The following SPTA1 variants were observed in gnomAD, a reference collection of about 807,000 sequenced individuals.
The protein encoded by SPTA1 is spectrin alpha chain, erythrocytic 1.
SPTA1 carries 177 observed loss-of-function variants against 324.7 expected under a neutral mutation model. That is an observed-to-expected ratio of 0.55 (90% confidence interval 0.48 to 0.62). SPTA1 has a LOEUF of 0.62. Ranked by LOEUF, SPTA1 falls within the 20% of genes least tolerant of loss-of-function variation. The probability of loss-of-function intolerance (pLI) is 0.00; values close to 1 mark genes in which losing one functional copy is unlikely to be tolerated. For synonymous variants in SPTA1, 1,195 were observed against 1,041.3 expected (o/e 1.15, Z -2.84); for missense variants, 3,162 against 2,883.6 (o/e 1.10, Z -2.21).
rs1209113519 is a variant in SPTA1 at position 158,642,940 on chromosome 1, C to A, written c.4479G>T (p.Arg1493=). 6.2e-7 allele frequency: 1 copy of A among 1,613,708 alleles called. No individual in the cohort carries two copies. ...GGTTGGCATAGTCTCCAAGCTTTGT[C>A]CGCTCATCAATCAGTTGTGCTTTGA... ...KALKAQLIDE[R]TKLGDYANLK... The change falls in exon 32 of 52, where the codon CGG becomes CGT. Residue 1493 remains arginine (R), a synonymous_variant. Coordinates refer to ENST00000643759, the MANE Select transcript of SPTA1 (RefSeq NM_003126.4).
Position 158,645,591 on chromosome 1 carries a change from A to G in SPTA1, c.3900T>C (p.Asp1300=), listed in dbSNP as rs757209512. The change falls in exon 28 of 52, where the codon GAT becomes GAC. Residue 1300 remains aspartate, a synonymous_variant. Coordinates refer to ENST00000643759, the MANE Select transcript of SPTA1 (RefSeq NM_003126.4). ...KFYLFLSKAR[D]LQNWISSIGG... is the part of the protein sequence containing the mutation. ...CAATGCTACTGATCCAGTTCTGCAG[A>G]TCCCTAGATAAACAGACACATTGGA... 3 of 1,613,972 alleles carry G rather than the reference A, an allele frequency of 1.9e-6. No individual in the cohort carries two copies. The East Asian group carries it at 6.7e-5, about 36-fold the overall frequency.
chr1:158,631,222 T>C (rs1264642608), intron 39 of SPTA1, among the ~76,000 whole-genome samples: 1 of 152,126 alleles, frequency 6.6e-6, no homozygotes, highest in East Asian at 1.9e-4. Flanking sequence ...ATTGCCCAAT[T>C]AATGAGTAGA....
intron 31 of SPTA1, 54 bp from the exon 32 acceptor site, chr1:158,643,030 G>T: frequency 1.2e-6 from 2 of 1,605,974 alleles, no homozygotes; most frequent in South Asian, 2.2e-5. Context: ...CCCATGCTCT[G>T]ATGCCATATC....
chr1:158,685,289 C>T lies in SPTA1; in HGVS notation c.83G>A (p.Arg28His), dbSNP rs121918641. The T allele has an allele frequency of 1.1e-5, 18 of 1,613,892 alleles. No homozygotes were observed. In the African/African-American group the frequency reaches 1.7e-4, roughly 16 times the overall value. Residue 28 changes from arginine to histidine, a missense_variant, in exon 2 of 52, where the codon CGT becomes CAT. Physicochemically the swap from Arg to His is conservative, Grantham distance 29. Coordinates refer to ENST00000643759, the MANE Select transcript of SPTA1 (RefSeq NM_003126.4). ...LETAEEIQER[R>H]QEVLTRYQSF... ...TTGATACCGAGTCAACACTTCCTGACGCCTCTCCTGGATCTCTTCTGCTGT... is the reference window on the plus strand; with the variant it reads ...TTGATACCGAGTCAACACTTCCTGATGCCTCTCCTGGATCTCTTCTGCTGT...
At chr1:158,668,724 A>G (rs1653793015) in intron 14 of SPTA1, among the ~76,000 whole-genome samples, 1 of 152,194 alleles carries the variant, frequency 6.6e-6, no homozygotes, top group African/African-American at 2.4e-5. Context: ...AGTGCAATAT[A>G]TGTGTTAGTA....
At chr1:158,646,128 C>T (rs1651982337) in intron 27 of SPTA1, among the ~76,000 whole-genome samples, 1 of 152,166 alleles carries the variant, frequency 6.6e-6, no homozygotes, top group Admixed American at 6.5e-5. Context: ...CACATACACA[C>T]ACAGGCCTCC....
At chr1:158,657,084 GTTC>G (rs1261075798) in intron 19 of SPTA1, among the ~76,000 whole-genome samples, 1 of 152,098 alleles carries the variant, frequency 6.6e-6, no homozygotes, top group African/African-American at 2.4e-5. Context: ...AACCTTTGTG[GTTC>G]TTCTTGCCCC....
rs770854130 is a variant in SPTA1 at position 158,667,944 on chromosome 1, C to A, written c.1952G>T (p.Gly651Val). The A allele has an allele frequency of 1.2e-6, 2 of 1,613,966 alleles. No individual in the cohort carries two copies. Among genetic ancestry groups the A allele is most frequent in the Non-Finnish European group, 1.7e-6 (2 of 1,179,976 alleles). ...QKTGQEMIEG[G>V]HYASDNVTTR... ...GGTCACATTGTCAGAGGCATAGTGA[C>A]CACCCTCAATCATCTCTTGGCCAGT... Residue 651 changes from glycine to valine, a missense_variant, in exon 15 of 52, where the codon GGT becomes GTT. Coordinates refer to ENST00000643759, the MANE Select transcript of SPTA1 (RefSeq NM_003126.4).
In SPTA1 at chr1:158,653,445, C is replaced by A; in HGVS notation, c.3037-20G>T. The A allele has an allele frequency of 6.2e-7, 1 of 1,613,678 alleles. No homozygotes were observed. Among genetic ancestry groups the A allele is most frequent in the Non-Finnish European group, 8.5e-7 (1 of 1,179,954 alleles). ...CCAGTCCTGAAGGGAGAGCAGATCC[C>A]CACTCCGTCATTAATTCTTGGAAAA... On this transcript the variant is annotated intron_variant, in intron 21 of 51. Transcript: ENST00000643759.
intron 41 of SPTA1, 37 bp downstream of exon 41, chr1:158,626,802 C>G: frequency 6.2e-7 from 1 of 1,612,582 alleles, no homozygotes; most frequent in Non-Finnish European, 8.5e-7. Flanking sequence ...ATTAGGGTTT[C>G]TCAAACCCAA....
chr1:158,657,582 C>T lies in SPTA1; in HGVS notation c.2700G>A (p.Gln900=), dbSNP rs534487063. 12 of 1,614,058 alleles carry T rather than the reference C, an allele frequency of 7.4e-6. 1 individual carries two copies. The South Asian group carries it at 9.9e-5, about 13-fold the overall frequency. Residue 900 remains glutamine (Q), a synonymous_variant, in exon 19 of 52, where the codon CAG becomes CAA. Transcript: ENST00000643759. ...RRQNDLEANV[Q]FQQYLADLHE... is the part of the protein sequence containing the mutation. ...GCAGGTCAGCCAGGTACTGCTGGAA[C>T]TGGACATTGGCTTCAAGATCATTTT...
At chr1:158,676,047 G>A (rs964617832) in intron 8 of SPTA1, 94 bp downstream of exon 8, 20 of 1,546,472 alleles carry the variant, frequency 1.3e-5, no homozygotes, top group East Asian at 2.3e-5. Context: ...TGATTCTCTC[G>A]CTATTTGACT....
At chr1:158,667,634 A>T (rs529213749) in intron 15 of SPTA1, among the ~76,000 whole-genome samples, 1 of 152,292 alleles carries the variant, frequency 6.6e-6, no homozygotes, top group South Asian at 2.1e-4. Context: ...ATTTTTTTTT[A>T]AAAACCTTAC....
intron 33 of SPTA1, among the ~76,000 whole-genome samples, chr1:158,640,858 C>G (rs1489214500): frequency 6.6e-6 from 1 of 152,138 alleles, no homozygotes; most frequent in Non-Finnish European, 1.5e-5. Flanking sequence ...CAAGTCAATC[C>G]TAAGGCAAAA....
chr1:158,616,696 T>A (rs1649574814), intron 47 of SPTA1, among the ~76,000 whole-genome samples: 1 of 152,234 alleles, frequency 6.6e-6, no homozygotes, highest in Non-Finnish European at 1.5e-5. Context: ...GTGAATAGTC[T>A]CCCTGTTATC....
intron 16 of SPTA1, among the ~76,000 whole-genome samples, chr1:158,663,872 AAAG>A (rs1653416920): frequency 6.6e-6 from 1 of 152,228 alleles, no homozygotes; most frequent in Non-Finnish European, 1.5e-5. Flanking sequence ...AATAATAAAA[AAAG>A]AAGTTCTTCA....
chr1:158,674,344 A>T lies in SPTA1; in HGVS notation c.1335T>A (p.Asp445Glu), dbSNP rs1392136570. The T allele has an allele frequency of 6.2e-7, 1 of 1,614,078 alleles. No homozygotes were observed. The highest frequency in any genetic ancestry group is 1.1e-5 in the South Asian group (1 of 91,082). The change falls in exon 10 of 52, where the codon GAT becomes GAA. Residue 445 changes from aspartate to glutamate, a missense_variant. Physicochemically the swap from Asp to Glu is conservative, Grantham distance 45. Transcript: ENST00000643759. ...ACTAGATTACCTTTTCCCGAACTTC[A>T]TCAGAGGCTTCATGATTGGCATTCA... ...DLVNANHEAS[D>E]EVREKMEILD... is the part of the protein sequence containing the mutation.
Position 158,683,434 on chromosome 1 carries a change from A to C in SPTA1, c.327T>G (p.Ser109=). 1 of 1,613,456 alleles carries C rather than the reference A, an allele frequency of 6.2e-7. No individual in the cohort carries two copies. Among genetic ancestry groups the C allele is most frequent in the Non-Finnish European group, 8.5e-7 (1 of 1,179,568 alleles). The change falls in exon 3 of 52, where the codon TCT becomes TCG. Residue 109 remains serine, a synonymous_variant. Coordinates refer to ENST00000643759, the MANE Select transcript of SPTA1 (RefSeq NM_003126.4). ...GTTCTTCCCTTGTTTTTTCCAGTTC[A>C]GACATGAGTCTTGATTTTGTTTGCA... The part of the protein sequence containing the change: ...AEVQTKSRLM[S]ELEKTREERF...
At chr1:158,623,340 G>A in intron 42 of SPTA1, 148 bp from the exon 43 acceptor site, 1 of 783,100 alleles carries the variant, frequency 1.3e-6, no homozygotes, top group Non-Finnish European at 2.3e-6. Flanking sequence ...AGAGATGTAA[G>A]CAAACATTTG....
Sources: allele counts gnomAD v4.1 joint callset (sites outside exome capture counted in the v4.1 genomes callset), GRCh38; gene constraint gnomAD v4.1.1; transcripts MANE v1.5; gene names NCBI Gene and HGNC (gene_info 2026-07-23, HGNC 2026-07-21).